DCDC2: variants seen among roughly 807,000 people sequenced by gnomAD.
The protein encoded by DCDC2 is doublecortin domain-containing protein 2.
A neutral mutation model predicts 50.2 loss-of-function variants in DCDC2; 40 were observed. That is an observed-to-expected ratio of 0.80 (90% confidence interval 0.62 to 1.04). The LOEUF (loss-of-function observed/expected upper bound fraction) is 1.04. Among genes scored for constraint, DCDC2 ranks in the 50% least tolerant of loss-of-function variants. The pLI is 0.00. For missense variants in DCDC2, 570 were observed against 581.9 expected, an observed-to-expected ratio of 0.98 and a Z score of 0.21; for synonymous variants, 234 against 210.6, an observed-to-expected ratio of 1.11 and a Z score of -0.96.
intron 7 of DCDC2, among the ~76,000 whole-genome samples, chr6:24,220,240 C>T (rs1264594201): frequency 6.6e-6 from 1 of 152,130 alleles, no homozygotes; most frequent in African/African-American, 2.4e-5. Context: ...ATAAGAAATA[C>T]CAATTGTGTA....
intron 4 of DCDC2, among the ~76,000 whole-genome samples, chr6:24,297,257 A>AATG (rs145917362): frequency 0.037 from 5,595 of 152,190 alleles, 301 homozygotes; most frequent in African/African-American, 0.12. Context: ...GGGGGAGATA[A>AATG]ATGAGGACAC....
At chr6:24,282,348 T>C (rs1211107306) in intron 6 of DCDC2, among the ~76,000 whole-genome samples, 2 of 152,052 alleles carry the variant, frequency 1.3e-5, no homozygotes, top group Admixed American at 6.5e-5. Flanking sequence ...GTTCAAGTGA[T>C]TCTCTTGCCT....
At chr6:24,301,142 C>T (rs1025841996) in intron 4 of DCDC2, among the ~76,000 whole-genome samples, 12 of 151,478 alleles carry the variant, frequency 7.9e-5, no homozygotes, top group Admixed American at 5.9e-4. Context: ...GAGGCCAAGG[C>T]GGGCGGATCA....
In DCDC2 at chr6:24,358,035, G is replaced by A. The variant is rs188467981; in HGVS notation, c.-285C>T. 3.7e-3 allele frequency: 4,370 copies of A among 1,189,158 alleles called. 146 individuals carry two copies. The highest frequency in any genetic ancestry group is 5.7e-4 in the Middle Eastern group (2 of 3,532). 73.7% of individuals were successfully genotyped at this position (1,189,158 alleles called of 1,614,324 possible). A position where few individuals can be genotyped will look rare whatever the true frequency, so the allele number is the denominator to read the frequency against. On this transcript the variant is annotated 5_prime_UTR_variant, in exon 1 of 10. Transcript: ENST00000378454. ...CACCACACCAGGTTCACCTGCTACGGGCAGAATCAAGGTGGACAGCTTCTG... is the reference window on the plus strand; with the variant it reads ...CACCACACCAGGTTCACCTGCTACGAGCAGAATCAAGGTGGACAGCTTCTG...
chr6:24,266,652 G>A (rs1225290410), intron 7 of DCDC2, among the ~76,000 whole-genome samples: 1 of 152,090 alleles, frequency 6.6e-6, no homozygotes, highest in African/African-American at 2.4e-5. Flanking sequence ...TTATTCGGAA[G>A]ACAGACAATA....
the DCDC2 span, among the ~76,000 whole-genome samples, chr6:24,379,908 G>A: frequency 0.011 from 1,713 of 152,052 alleles, 29 homozygotes; most frequent in African/African-American, 0.039. Flanking sequence ...GATAAAGCTG[G>A]AAACCATCAT....
intron 7 of DCDC2, among the ~76,000 whole-genome samples, chr6:24,234,494 C>T (rs1483954559): frequency 1.3e-5 from 2 of 151,836 alleles, no homozygotes; most frequent in Non-Finnish European, 2.9e-5. Flanking sequence ...GAAGGCAAAG[C>T]CCAGAAGAAA....
intron 2 of DCDC2, among the ~76,000 whole-genome samples, chr6:24,321,491 T>C (rs1759772861): frequency 6.6e-6 from 1 of 152,120 alleles, no homozygotes; most frequent in South Asian, 2.1e-4. Context: ...CAAATACAAA[T>C]TAAAAATAAG....
intron 2 of DCDC2, among the ~76,000 whole-genome samples, chr6:24,320,878 T>C (rs373417123): frequency 5.3e-5 from 8 of 151,784 alleles, no homozygotes; most frequent in East Asian, 3.9e-4. Flanking sequence ...AGAAACAATT[T>C]ATTCCAGGGC....
the DCDC2 span, among the ~76,000 whole-genome samples, chr6:24,374,375 C>T: frequency 6.6e-6 from 1 of 151,656 alleles, no homozygotes; most frequent in South Asian, 2.1e-4. Context: ...AGTTCAAGAC[C>T]AGCCTGGCCA....
At chr6:24,339,838 G>A (rs190426486) in intron 2 of DCDC2, among the ~76,000 whole-genome samples, 270 of 152,146 alleles carry the variant, frequency 1.8e-3, no homozygotes, top group African/African-American at 6.2e-3. Flanking sequence ...GTGTTGGATG[G>A]GTCTTTTGAC....
intron 6 of DCDC2, among the ~76,000 whole-genome samples, chr6:24,281,857 C>T (rs1042963872): frequency 4.6e-5 from 7 of 152,104 alleles, no homozygotes; most frequent in African/African-American, 1.7e-4. Context: ...AACACAAATA[C>T]TTAACAAATT....
chr6:24,179,417 G>A (rs1761002510), intron 8 of DCDC2, among the ~76,000 whole-genome samples: 1 of 150,490 alleles, frequency 6.6e-6, no homozygotes, highest in South Asian at 2.1e-4. Context: ...GCATGGTGGT[G>A]CACACCTGTA....
At chr6:24,223,666 C>G (rs1400456982) in intron 7 of DCDC2, among the ~76,000 whole-genome samples, 1 of 152,198 alleles carries the variant, frequency 6.6e-6, no homozygotes, top group African/African-American at 2.4e-5. Flanking sequence ...CGACTTACCT[C>G]TTTGAATTTC....
intron 7 of DCDC2, among the ~76,000 whole-genome samples, chr6:24,257,121 C>G (rs1333922729): frequency 6.6e-6 from 1 of 152,118 alleles, no homozygotes; most frequent in Admixed American, 6.6e-5. Context: ...TCTACTTTGC[C>G]TCAACATTGT....
At chr6:24,274,204 A>C (rs2113816100) in intron 7 of DCDC2, among the ~76,000 whole-genome samples, 2 of 152,348 alleles carry the variant, frequency 1.3e-5, no homozygotes, top group Middle Eastern at 3.4e-3. Context: ...TAAATTCACT[A>C]TACTTCTTGC....
intron 7 of DCDC2, among the ~76,000 whole-genome samples, chr6:24,239,276 A>G (rs1264789589): frequency 6.6e-6 from 1 of 152,140 alleles, no homozygotes; most frequent in East Asian, 1.9e-4. Context: ...CTTTGGACCA[A>G]AAGGAAGAAG....
chr6:24,318,802 T>TGTGTGTGTGTGTGTGTGTGTGTGTG (rs1759720796), intron 2 of DCDC2, among the ~76,000 whole-genome samples: 3 of 151,994 alleles, frequency 2.0e-5, no homozygotes, highest in African/African-American at 7.2e-5. Flanking sequence ...TGTGTGTGTA[T>TGTGTGTGTGTGTGTGTGTGTGTGTG]TATATCACAT....
intron 7 of DCDC2, among the ~76,000 whole-genome samples, chr6:24,251,938 G>C (rs1018083948): frequency 1.3e-5 from 2 of 152,036 alleles, no homozygotes; most frequent in African/African-American, 4.8e-5. Flanking sequence ...CCAATGCCTT[G>C]CCTCTGTAGC....
Sources: gnomAD v4.1 joint callset for allele counts (sites outside exome capture counted in the v4.1 genomes callset) on GRCh38, gnomAD v4.1.1 for gene constraint, MANE v1.5 for transcripts, NCBI Gene and HGNC (gene_info 2026-07-23, HGNC 2026-07-21) for gene names.